Variants in CCDC175 observed in about 807,000 individuals in gnomAD.
CCDC175 encodes coiled-coil domain containing 175.
In CCDC175, 100 loss-of-function variants were observed where a neutral mutation model predicts 114.6. The ratio of observed to expected loss-of-function variants is 0.87; its 90% CI spans 0.74 to 1.03. CCDC175 has a LOEUF of 1.03. CCDC175 is among the 50% of genes least tolerant of loss of function. The pLI is 0.00. For synonymous variants in CCDC175, 306 were observed against 308.7 expected (o/e 0.99, Z 0.09); for missense variants, 880 against 917.8 (o/e 0.96, Z 0.53).
At chr14:59,560,011 CTTTT>C (rs1328186435) in intron 7 of CCDC175, among the ~76,000 whole-genome samples, 3 of 152,078 alleles carry the variant, frequency 2.0e-5, no homozygotes, top group Non-Finnish European at 4.4e-5. Context: ...TTCACTATGA[CTTTT>C]TTGTCTAGTT....
chr14:59,545,123 A>C (rs557135903), intron 9 of CCDC175, 40 bp downstream of exon 9: 2 of 1,521,558 alleles, frequency 1.3e-6, no homozygotes, highest in African/African-American at 2.8e-5. Flanking sequence ...GCACCCCATA[A>C]TGATGGCATG....
chr14:59,518,472 C>G (rs1483373862), intron 17 of CCDC175, among the ~76,000 whole-genome samples: 1 of 151,970 alleles, frequency 6.6e-6, no homozygotes, highest in Admixed American at 6.6e-5. Flanking sequence ...GACAAATTTA[C>G]AAGAAAAAAA....
chr14:59,517,999 C>T (rs528904298), intron 17 of CCDC175, among the ~76,000 whole-genome samples: 1 of 152,130 alleles, frequency 6.6e-6, no homozygotes, highest in South Asian at 2.1e-4. Flanking sequence ...CCGAACAGAG[C>T]CCTCAGAAAT....
At chr14:59,506,563 G>C (rs4901929) in intron 19 of CCDC175, among the ~76,000 whole-genome samples, 86,586 of 151,960 alleles carry the variant, frequency 0.57, 26,459 homozygotes, top group East Asian at 0.82. Context: ...ACTGGGATTA[G>C]AGGCATGGGC....
Position 59,538,772 on chromosome 14 carries a change from G to A in CCDC175, c.1424C>T (p.Ala475Val). ...KHARWTAKIK[A>V]EIQAITEKIQ... ...TTTTTCTGTAATAGCTTGTATTTCA[G>A]CTTTTATCTTGGCTGTCCAACGTGC... The change falls in exon 12 of 20, where the codon GCT (alanine) becomes GTT (valine). Residue 475 changes from alanine to valine, a missense_variant. Coordinates refer to ENST00000537690, the MANE Select transcript of CCDC175 (RefSeq NM_001164399.2). 1 of 1,536,462 alleles carries A rather than the reference G, an allele frequency of 6.5e-7. No individual in the cohort carries two copies. The highest frequency in any genetic ancestry group is 8.7e-7 in the Non-Finnish European group (1 of 1,146,420).
intron 3 of CCDC175, among the ~76,000 whole-genome samples, chr14:59,571,058 A>G (rs1896819965): frequency 6.6e-6 from 1 of 151,552 alleles, no homozygotes; most frequent in Admixed American, 6.6e-5. Flanking sequence ...TCTTTTGTTG[A>G]AGGTAATTCC....
chr14:59,549,719 C>CAAAAAAAA (rs370269871), intron 8 of CCDC175, among the ~76,000 whole-genome samples: 13 of 89,634 alleles, frequency 1.5e-4, no homozygotes, highest in African/African-American at 4.7e-4. Flanking sequence ...GACTATGTCT[C>CAAAAAAAA]AAAAAAAAAA....
intron 8 of CCDC175, among the ~76,000 whole-genome samples, chr14:59,550,695 G>C (rs528333708): frequency 2.0e-5 from 3 of 152,138 alleles, no homozygotes; most frequent in Admixed American, 2.0e-4. Context: ...TCTGGTGTTC[G>C]AGAGCAGGAA....
chr14:59,549,226 T>C lies in CCDC175; in HGVS notation c.1035+2129A>G, dbSNP rs576754878. ...AGTCCTGAACAATTAAAATTAAGTATGTGTGGCTAGGGGTGGTGGCTCACG... is the reference window on the plus strand; with the variant it reads ...AGTCCTGAACAATTAAAATTAAGTACGTGTGGCTAGGGGTGGTGGCTCACG... On this transcript the variant is annotated intron_variant, in intron 8 of 19. Coordinates refer to ENST00000537690, the MANE Select transcript of CCDC175 (RefSeq NM_001164399.2). 3.9e-5 allele frequency among the ~76,000 whole-genome samples: 6 copies of C among 152,300 alleles called. No individual in the cohort carries two copies. In the South Asian group the frequency reaches 1.2e-3, roughly 32 times the overall value.
At chr14:59,517,929 G>C (rs528229788) in intron 17 of CCDC175, among the ~76,000 whole-genome samples, 10 of 152,208 alleles carry the variant, frequency 6.6e-5, no homozygotes, top group African/African-American at 2.4e-4. Flanking sequence ...TATACTACAA[G>C]GCTACAGTAA....
Position 59,538,811 on chromosome 14 carries a change from A to G in CCDC175, c.1385T>C (p.Leu462Ser). ...TGTCCAACGTGCATGCTTTTTTCTCAAGCAAGCCATTTTCCACTGAGTTAT... is the reference window on the plus strand; with the variant it reads ...TGTCCAACGTGCATGCTTTTTTCTCGAGCAAGCCATTTTCCACTGAGTTAT... ...CVITQWKMAC[L>S]RKKHARWTAK... Residue 462 changes from leucine (L) to serine (S), a missense_variant, in exon 12 of 20, where the codon TTG becomes TCG. Physicochemically the swap from Leu to Ser is moderately radical, Grantham distance 145. Coordinates refer to ENST00000537690, the MANE Select transcript of CCDC175 (RefSeq NM_001164399.2). 1 of 1,536,736 alleles carries G rather than the reference A, an allele frequency of 6.5e-7. No individual in the cohort carries two copies.
Position 59,538,690 on chromosome 14 carries a change from T to C in CCDC175, c.1491+15A>G, listed in dbSNP as rs945963913. The C allele has an allele frequency of 2.0e-6, 3 of 1,526,312 alleles. No individual in the cohort carries two copies. The African/African-American group carries it at 4.1e-5, about 21-fold the overall frequency. The allele number at this position is 1,526,312 out of a possible 1,614,324, so 94.5% of individuals were successfully genotyped here. On this transcript the variant is annotated intron_variant, in intron 12 of 19. Coordinates refer to ENST00000537690, the MANE Select transcript of CCDC175 (RefSeq NM_001164399.2). ...AATGTAGGGGACTAATTCTAAGTTC[T>C]TTCAGTTCTCTTACCTCGTTAAGTA...
At position 59,565,036 on chromosome 14, in the gene CCDC175, ATGCCACTTACCTG is replaced by A; in HGVS notation, c.718_720+10del. 6.8e-7 allele frequency: 1 copy of A among 1,468,110 alleles called. No individual in the cohort carries two copies. Among genetic ancestry groups the A allele is most frequent in the Admixed American group, 2.1e-5 (1 of 47,650 alleles). The allele number at this position is 1,468,110 out of a possible 1,614,324, so 90.9% of individuals were successfully genotyped here. ...ATTATTGTATTTTAAAGAATAAATC[ATGCCACTTACCTG>A]TGCAGTCAACTCTTGTTTTCTTATT... On this transcript the variant is annotated splice_donor_variant and splice_donor_5th_base_variant and coding_sequence_variant and intron_variant, in exon 5 of 20. Transcript: ENST00000537690. LOFTEE classifies it high-confidence loss of function.
chr14:59,519,998 C>A lies in CCDC175; in HGVS notation c.2098+1576G>T, dbSNP rs182892708. On this transcript the variant is annotated intron_variant, in intron 17 of 19. Transcript: ENST00000537690. ...GAATGAGTGAGTCTTCAGATGATTT[C>A]AGTTCCCGGCTGTTGAATTACCCTC... is the stretch of plus-strand genomic sequence containing the variant. 5.3e-5 allele frequency among the ~76,000 whole-genome samples: 8 copies of A among 152,360 alleles called. No individual in the cohort carries two copies. In the East Asian group the frequency reaches 1.3e-3, roughly 26 times the overall value.
chr14:59,544,182 T>C (rs1390093879), intron 9 of CCDC175, among the ~76,000 whole-genome samples: 1 of 152,200 alleles, frequency 6.6e-6, no homozygotes, highest in African/African-American at 2.4e-5. Flanking sequence ...TTGTTTTGTT[T>C]TGAGACGGAG....
intron 7 of CCDC175, among the ~76,000 whole-genome samples, chr14:59,553,778 G>A (rs1188574250): frequency 3.3e-5 from 5 of 151,890 alleles, no homozygotes; most frequent in Admixed American, 6.6e-5. Context: ...GATCTACCAA[G>A]CAAATGGAAA....
intron 7 of CCDC175, among the ~76,000 whole-genome samples, chr14:59,554,017 G>A (rs1895704025): frequency 6.6e-6 from 1 of 152,118 alleles, no homozygotes; most frequent in Non-Finnish European, 1.5e-5. Context: ...ATAATAATGG[G>A]ATACTTTAAC....
chr14:59,542,375 A>G (rs2140042282), intron 10 of CCDC175, among the ~76,000 whole-genome samples: 1 of 152,306 alleles, frequency 6.6e-6, no homozygotes, highest in South Asian at 2.1e-4. Flanking sequence ...TAATGTGTAC[A>G]ATGGTAGAAT....
chr14:59,565,254 T>C lies in CCDC175; in HGVS notation c.513A>G (p.Ala171=), dbSNP rs773888818. 1.0e-5 allele frequency: 16 copies of C among 1,537,080 alleles called. No individual in the cohort carries two copies. The highest frequency in any genetic ancestry group is 1.4e-5 in the African/African-American group (1 of 73,080). The change falls in exon 5 of 20, where the codon GCA becomes GCG. Residue 171 remains alanine, a synonymous_variant. Transcript: ENST00000537690. ...ACAGGACAAACCTTGCATGCTTCCT[T>C]GCTAGCTCTTCCTGCTTCTCCCTGG... ...EALGEKQEEL[A]RKHARFVLSL... is the part of the protein sequence containing the mutation.
Sources: gnomAD v4.1 joint callset for allele counts (sites outside exome capture counted in the v4.1 genomes callset) on GRCh38, gnomAD v4.1.1 for gene constraint, MANE v1.5 for transcripts, NCBI Gene and HGNC (gene_info 2026-07-23, HGNC 2026-07-21) for gene names.